ABLIM1: variants seen among roughly 807,000 people sequenced by gnomAD.
ABLIM1 encodes actin binding LIM protein 1, also known as actin-binding LIM protein 1.
ABLIM1 carries 40 observed loss-of-function variants against 107.0 expected under a neutral mutation model. The ratio of observed to expected loss-of-function variants is 0.37; its 90% confidence interval spans 0.29 to 0.49. The LOEUF is 0.49. Among genes scored for constraint, ABLIM1 ranks in the 20% least tolerant of loss-of-function variants. The pLI is 0.97. For missense variants in ABLIM1, 857 were observed against 1,008.5 expected, an observed-to-expected ratio of 0.85 and a Z score of 2.04; for synonymous variants, 357 against 357.3, an observed-to-expected ratio of 1.00 and a Z score of 0.01.
At chr10:114,693,625 T>C (rs769305174) in intron 1 of ABLIM1, among the ~76,000 whole-genome samples, 1 of 151,924 alleles carries the variant, frequency 6.6e-6, no homozygotes, top group Non-Finnish European at 1.5e-5. Flanking sequence ...ATTTTAAGCG[T>C]TTTTTCTTTC....
chr10:114,494,794 C>T (rs543145216), intron 6 of ABLIM1, among the ~76,000 whole-genome samples: 1 of 152,274 alleles, frequency 6.6e-6, no homozygotes, highest in East Asian at 1.9e-4. Context: ...GATTCAAATC[C>T]AGTTTCAGTA....
intron 6 of ABLIM1, among the ~76,000 whole-genome samples, chr10:114,533,214 G>A (rs1043291775): frequency 2.6e-5 from 4 of 151,934 alleles, no homozygotes; most frequent in Non-Finnish European, 4.4e-5. Context: ...GGTGGTACGC[G>A]CCTGTAATCC....
In ABLIM1 at chr10:114,445,336, C is replaced by T. The variant is rs2060849657; in HGVS notation, c.1803G>A (p.Gln601=). The change falls in exon 16 of 23, where the codon CAG becomes CAA. Residue 601 remains glutamine (Q), a synonymous_variant. Transcript: ENST00000533213. ...EDDEELLRRR[Q]LQEEQLMKLN... Reference sequence around the variant, plus strand: ...CCTTCATTAATTGCTCTTCTTGAAGCTGCCGACGTCTCAGAAGTTCCTCAT... The same window carrying T: ...CCTTCATTAATTGCTCTTCTTGAAGTTGCCGACGTCTCAGAAGTTCCTCAT... 1 of 1,614,042 alleles carries T rather than the reference C, an allele frequency of 6.2e-7. No individual in the cohort carries two copies. Among genetic ancestry groups the T allele is most frequent in the South Asian group, 1.1e-5 (1 of 91,074 alleles).
rs139581383 is a variant in ABLIM1 at position 114,711,059 on chromosome 10, A to G, written c.-213+57002T>C. Among the ~76,000 whole-genome samples, 20 of 152,272 alleles carry G rather than the reference A, an allele frequency of 1.3e-4. No individual in the cohort carries two copies. In the East Asian group the frequency reaches 3.1e-3, roughly 24 times the overall value. ...CTAGGACAATGTTCAGGATATTCCT[A>G]CTCTTTTGAAGAATCTGTTGTCCCT... On this transcript the variant is annotated intron_variant, in intron 1 of 15. Coordinates refer to the ABLIM1 transcript ENST00000651092.
intron 6 of ABLIM1, among the ~76,000 whole-genome samples, chr10:114,499,801 C>T (rs917281609): frequency 1.3e-5 from 2 of 152,158 alleles, no homozygotes; most frequent in South Asian, 2.1e-4. Flanking sequence ...GGCAGAATCA[C>T]GCAAGTTCCC....
At chr10:114,590,655 A>C (rs1537491) in intron 2 of ABLIM1, among the ~76,000 whole-genome samples, 105,903 of 151,978 alleles carry the variant, frequency 0.7, 37,377 homozygotes, top group Middle Eastern at 0.78. Context: ...TGCTGAGGTA[A>C]GTTGTAAATA....
chr10:114,761,808 T>G (rs749049663), intron 1 of ABLIM1, among the ~76,000 whole-genome samples: 3 of 152,148 alleles, frequency 2.0e-5, no homozygotes, highest in Non-Finnish European at 2.9e-5. Flanking sequence ...TCATGCCCTT[T>G]TCCTTGGAAA....
chr10:114,467,790 A>C (rs1161926556), intron 11 of ABLIM1, among the ~76,000 whole-genome samples: 1 of 152,200 alleles, frequency 6.6e-6, no homozygotes, highest in African/African-American at 2.4e-5. Flanking sequence ...ACCTCCCATC[A>C]AGATGGCTCT....
chr10:114,453,294 C>T (rs2062175000), intron 13 of ABLIM1, 85 bp downstream of exon 13: 1 of 1,403,428 alleles, frequency 7.1e-7, no homozygotes, highest in Admixed American at 1.7e-5. Flanking sequence ...ATTAAAAGAG[C>T]ATGAGAGATG....
intron 1 of ABLIM1, among the ~76,000 whole-genome samples, chr10:114,708,859 T>C (rs1591859861): frequency 1.3e-5 from 2 of 152,156 alleles, no homozygotes; most frequent in East Asian, 3.9e-4. Flanking sequence ...TGGCCACAGG[T>C]TTGTAAAATC....
intron 1 of ABLIM1, among the ~76,000 whole-genome samples, chr10:114,720,944 C>A (rs2081830966): frequency 1.3e-5 from 2 of 152,204 alleles, no homozygotes; most frequent in African/African-American, 4.8e-5. Context: ...TGGCTTAGAA[C>A]CAAACCCAGA....
chr10:114,729,617 C>A (rs1349157883), intron 1 of ABLIM1, among the ~76,000 whole-genome samples: 2 of 152,072 alleles, frequency 1.3e-5, no homozygotes, highest in Non-Finnish European at 1.5e-5. Flanking sequence ...AATCTGGACA[C>A]AAATCCAAGG....
At chr10:114,694,704 T>C (rs752964629) in intron 1 of ABLIM1, among the ~76,000 whole-genome samples, 10 of 152,120 alleles carry the variant, frequency 6.6e-5, no homozygotes, top group Admixed American at 2.0e-4. Context: ...AGACATTAAG[T>C]ACTAAATAGA....
chr10:114,725,063 G>C (rs2081928638), intron 1 of ABLIM1, among the ~76,000 whole-genome samples: 1 of 152,142 alleles, frequency 6.6e-6, no homozygotes, highest in Non-Finnish European at 1.5e-5. Flanking sequence ...TGTTTACAAA[G>C]GGAAAGGAAA....
At chr10:114,695,663 C>T (rs1004339919) in intron 1 of ABLIM1, among the ~76,000 whole-genome samples, 2 of 152,250 alleles carry the variant, frequency 1.3e-5, no homozygotes, top group Middle Eastern at 6.8e-3. Flanking sequence ...CATTACAATT[C>T]AACAACTTTT....
the ABLIM1 span, among the ~76,000 whole-genome samples, chr10:114,773,990 A>C: frequency 6.6e-6 from 1 of 151,870 alleles, no homozygotes; most frequent in Non-Finnish European, 1.5e-5. Flanking sequence ...ATACATTTGA[A>C]ATGAAGAACT....
At chr10:114,710,219 T>C (rs2081518359) in intron 1 of ABLIM1, among the ~76,000 whole-genome samples, 1 of 152,200 alleles carries the variant, frequency 6.6e-6, no homozygotes, top group African/African-American at 2.4e-5. Flanking sequence ...GTGCAATCTT[T>C]ACCAGCCTCG....
At chr10:114,446,448 C>T (rs1347742041) in intron 15 of ABLIM1, among the ~76,000 whole-genome samples, 6 of 152,146 alleles carry the variant, frequency 3.9e-5, no homozygotes, top group Non-Finnish European at 7.4e-5. Context: ...AAGGAGGAAT[C>T]TGTCTGAATG....
chr10:114,540,499 A>G (rs1213614426), intron 6 of ABLIM1, among the ~76,000 whole-genome samples: 3 of 152,146 alleles, frequency 2.0e-5, no homozygotes, highest in Admixed American at 1.3e-4. Flanking sequence ...TTCAGGGCTT[A>G]CAAGGATTAA....
Sources: allele counts gnomAD v4.1 joint callset (sites outside exome capture counted in the v4.1 genomes callset), GRCh38; gene constraint gnomAD v4.1.1; transcripts MANE v1.5; gene names NCBI Gene and HGNC (gene_info 2026-07-23, HGNC 2026-07-21).